Variants in TSN observed in about 807,000 individuals in gnomAD.
The protein encoded by TSN is component 3 of promoter of RISC.
In TSN, 5 loss-of-function variants were observed where a neutral mutation model predicts 29.4. The ratio of observed to expected loss-of-function variants is 0.17; its 90% CI spans 0.09 to 0.36. The LOEUF is 0.36. TSN is among the 10% of genes least tolerant of loss of function. TSN has a pLI of 1.00. For missense variants in TSN, 159 were observed against 272.8 expected, an observed-to-expected ratio of 0.58 and a Z score of 2.94; for synonymous variants, 106 against 102.2, an observed-to-expected ratio of 1.04 and a Z score of -0.23.
chr2:121,756,127 C>T (rs1573385609), intron 1 of TSN: 2 of 537,546 alleles, frequency 3.7e-6, no homozygotes, highest in Admixed American at 3.3e-5. Context: ...CGATTAGCAC[C>T]TGGTCTTCAG....
intron 4 of TSN, 37 bp downstream of exon 4, chr2:121,761,561 C>A: frequency 6.7e-7 from 1 of 1,496,556 alleles, no homozygotes; most frequent in Non-Finnish European, 9.3e-7. Flanking sequence ...CAGAATCAGG[C>A]ATGGTTGCTT....
chr2:121,760,129 G>C (rs1339766356), intron 3 of TSN, among the ~76,000 whole-genome samples: 1 of 152,196 alleles, frequency 6.6e-6, no homozygotes, highest in Non-Finnish European at 1.5e-5. Context: ...ATTTACAGCC[G>C]CTTCCCATCA....
intron 2 of TSN, among the ~76,000 whole-genome samples, chr2:121,758,293 G>A (rs952582002): frequency 1.3e-5 from 2 of 152,194 alleles, no homozygotes; most frequent in Non-Finnish European, 2.9e-5. Flanking sequence ...CCAGAGGCAA[G>A]TGATTTTTCT....
At chr2:121,758,482 G>T (rs1396421318) in intron 2 of TSN, among the ~76,000 whole-genome samples, 2 of 152,200 alleles carry the variant, frequency 1.3e-5, no homozygotes, top group Non-Finnish European at 2.9e-5. Context: ...AATTACCAGT[G>T]TGTCTCCTAA....
At chr2:121,760,265 C>T (rs747170398) in intron 3 of TSN, among the ~76,000 whole-genome samples, 8 of 152,214 alleles carry the variant, frequency 5.3e-5, no homozygotes, top group Non-Finnish European at 1.2e-4. Context: ...TTATGAGAAT[C>T]TAATACCTGA....
intron 5 of TSN, among the ~76,000 whole-genome samples, chr2:121,764,061 C>T (rs769769130): frequency 1.3e-5 from 2 of 152,272 alleles, no homozygotes; most frequent in African/African-American, 4.8e-5. Context: ...TATGCCCTCC[C>T]GCTTTAAGGA....
chr2:121,762,375 G>T (rs1405749395), intron 4 of TSN, among the ~76,000 whole-genome samples: 1 of 152,110 alleles, frequency 6.6e-6, no homozygotes, highest in African/African-American at 2.4e-5. Flanking sequence ...TGATTTGCCC[G>T]CCTTGGCCTC....
chr2:121,762,479 A>T (rs920583947), intron 4 of TSN, among the ~76,000 whole-genome samples: 1 of 152,214 alleles, frequency 6.6e-6, no homozygotes, highest in Admixed American at 6.5e-5. Context: ...GGCCGACTCT[A>T]CCTGGAAATG....
Position 121,766,064 on chromosome 2 carries a change from C to T in TSN, c.*697C>T, listed in dbSNP as rs1449931760. ...TAGGGCTTAGTGTTTTAAAACACCT[C>T]TGCTTTCTGATGTTGCCTTAATATT... On this transcript the variant is annotated 3_prime_UTR_variant, in exon 6 of 6. Coordinates refer to ENST00000389682, the MANE Select transcript of TSN (RefSeq NM_004622.3). The T allele has an allele frequency of 6.6e-6, 1 of 152,244 alleles. No individual in the cohort carries two copies. Among genetic ancestry groups the T allele is most frequent in the African/African-American group, 2.4e-5 (1 of 41,464 alleles). 9.4% of individuals were successfully genotyped at this position (152,244 alleles called of 1,614,324 possible). A position where few individuals can be genotyped will look rare whatever the true frequency, so the allele number is the denominator to read the frequency against.
intron 5 of TSN, among the ~76,000 whole-genome samples, chr2:121,764,094 C>T (rs967219365): frequency 2.0e-5 from 3 of 152,196 alleles, no homozygotes; most frequent in Non-Finnish European, 4.4e-5. Flanking sequence ...GTTGTACACA[C>T]AACTTCTGTT....
At chr2:121,758,837 T>C (rs1362961825) in intron 3 of TSN, 31 bp downstream of exon 3, 3 of 1,433,554 alleles carry the variant, frequency 2.1e-6, no homozygotes, top group Non-Finnish European at 2.8e-6. Flanking sequence ...TATTTTATAA[T>C]GTTAAGTAAA....
In TSN at chr2:121,758,643, G is replaced by T. The variant is rs530474867; in HGVS notation, c.161-67G>T. On this transcript the variant is annotated intron_variant, in intron 2 of 5. Transcript: ENST00000389682. ...GATTAATTTCCAGATAGATTACTTAGATTATTAAGCAAGAACTGTATTTGA... is the reference window on the plus strand; with the variant it reads ...GATTAATTTCCAGATAGATTACTTATATTATTAAGCAAGAACTGTATTTGA... The T allele has an allele frequency of 3.5e-4, 419 of 1,183,524 alleles. 1 individual carries two copies. Among genetic ancestry groups the T allele is most frequent in the Non-Finnish European group, 4.6e-4 (400 of 863,584 alleles). 73.3% of individuals were successfully genotyped at this position (1,183,524 alleles called of 1,614,324 possible). A position where few individuals can be genotyped will look rare whatever the true frequency, so the allele number is the denominator to read the frequency against.
chr2:121,762,540 T>C (rs2074847270), intron 4 of TSN, among the ~76,000 whole-genome samples: 1 of 152,258 alleles, frequency 6.6e-6, no homozygotes, highest in Non-Finnish European at 1.5e-5. Flanking sequence ...CTTTAGTTTT[T>C]AAAATTGAAT....
intron 3 of TSN, among the ~76,000 whole-genome samples, chr2:121,759,520 A>G (rs902183486): frequency 3.9e-5 from 6 of 152,120 alleles, no homozygotes; most frequent in African/African-American, 1.4e-4. Flanking sequence ...AGGCAGGAGA[A>G]TCGCTTGAAC....
intron 4 of TSN, among the ~76,000 whole-genome samples, chr2:121,762,045 T>C (rs1195307974): frequency 6.6e-6 from 1 of 151,728 alleles, no homozygotes; most frequent in Non-Finnish European, 1.5e-5. Flanking sequence ...CAGGCTGTAG[T>C]GCAATGACGC....
intron 3 of TSN, among the ~76,000 whole-genome samples, chr2:121,760,275 A>G (rs2074805660): frequency 6.6e-6 from 1 of 152,194 alleles, no homozygotes; most frequent in Non-Finnish European, 1.5e-5. Flanking sequence ...CTAATACCTG[A>G]TGATCTGAAG....
Position 121,765,475 on chromosome 2 carries a change from T to A in TSN, c.*108T>A. The A allele has an allele frequency of 2.0e-6, 2 of 989,632 alleles. No homozygotes were observed. Among genetic ancestry groups the A allele is most frequent in the Non-Finnish European group, 3.0e-6 (2 of 661,702 alleles). The allele number at this position is 989,632 out of a possible 1,614,324, so 61.3% of individuals were successfully genotyped here. ...GATGCTCAGTTGCTAAACACTGCGC[T>A]TTATTTTCTTAACCAGTTGTGGTGT... On this transcript the variant is annotated 3_prime_UTR_variant, in exon 6 of 6. Coordinates refer to ENST00000389682, the MANE Select transcript of TSN (RefSeq NM_004622.3).
intron 1 of TSN, 71 bp from the exon 2 acceptor site, chr2:121,757,169 T>C: frequency 2.2e-6 from 3 of 1,378,348 alleles, no homozygotes; most frequent in Non-Finnish European, 3.1e-6. Flanking sequence ...ATAAGCTATC[T>C]AATGTGTTTT....
In TSN at chr2:121,765,523, T is replaced by C. The variant is rs2074890483; in HGVS notation, c.*156T>C. On this transcript the variant is annotated 3_prime_UTR_variant, in exon 6 of 6. Coordinates refer to ENST00000389682, the MANE Select transcript of TSN (RefSeq NM_004622.3). The stretch of plus-strand genomic sequence containing the variant: ...TGTGAGTATCAGAATTGAAACACTT[T>C]TTTGGGGGTAAAAAATATAGCCTTT... 2 of 695,674 alleles carry C rather than the reference T, an allele frequency of 2.9e-6. No homozygotes were observed. The highest frequency in any genetic ancestry group is 4.7e-6 in the Non-Finnish European group (2 of 423,058). 43.1% of individuals were successfully genotyped at this position (695,674 alleles called of 1,614,324 possible).
Sources: allele counts gnomAD v4.1 joint callset (sites outside exome capture counted in the v4.1 genomes callset), GRCh38; gene constraint gnomAD v4.1.1; transcripts MANE v1.5; gene names NCBI Gene and HGNC (gene_info 2026-07-23, HGNC 2026-07-21).